PSMG2: variants seen among roughly 807,000 people sequenced by gnomAD.
PSMG2 encodes the protein CD40 ligand-activated specific transcript 3.
In PSMG2, 21 loss-of-function variants were observed where a neutral mutation model predicts 31.5. That is an observed-to-expected ratio of 0.67 (90% CI 0.47 to 0.96). The LOEUF is 0.96. Among genes scored for constraint, PSMG2 ranks in the 40% least tolerant of loss-of-function variants. The probability of loss-of-function intolerance (pLI) is 0.00; values close to 1 mark genes in which losing one functional copy is unlikely to be tolerated. For missense variants in PSMG2, 318 were observed against 321.2 expected, an observed-to-expected ratio of 0.99 and a Z score of 0.08; for synonymous variants, 120 against 110.4, an observed-to-expected ratio of 1.09 and a Z score of -0.54.
At chr18:12,670,479 A>G (rs2038915908) in intron 1 of PSMG2, 1 of 152,324 alleles carries the variant, frequency 6.6e-6, no homozygotes, top group South Asian at 2.1e-4. Context: ...GCACATTTGA[A>G]ATACACGTTA....
At chr18:12,695,233 G>C (rs1218194954) in intron 1 of PSMG2, 3 of 1,105,306 alleles carry the variant, frequency 2.7e-6, no homozygotes, top group Non-Finnish European at 2.6e-6. Flanking sequence ...CACAAAAAAA[G>C]AGAAACTCAT....
At chr18:12,716,684 G>C (rs1441047686) in intron 3 of PSMG2, among the ~76,000 whole-genome samples, 1 of 151,936 alleles carries the variant, frequency 6.6e-6, no homozygotes, top group Non-Finnish European at 1.5e-5. Flanking sequence ...GTGAGCCACC[G>C]TGCCTGGCCA....
chr18:12,696,263 G>C (rs1357260832), intron 1 of PSMG2, among the ~76,000 whole-genome samples: 1 of 152,118 alleles, frequency 6.6e-6, no homozygotes, highest in Non-Finnish European at 1.5e-5. Context: ...CCAGCACTTT[G>C]GGAGGCCGAG....
At position 12,706,767 on chromosome 18, in the gene PSMG2, G is replaced by A. The variant is rs370225716; in HGVS notation, c.229+46G>A. On this transcript the variant is annotated intron_variant, in intron 2 of 6. Coordinates refer to ENST00000317615, the MANE Select transcript of PSMG2 (RefSeq NM_020232.5). ...TATTTTTCCACTACAAAGTAGAGTT[G>A]TTTTAAATTAGAAATAGACTTTATT... 87 of 1,524,870 alleles carry A rather than the reference G, an allele frequency of 5.7e-5. No homozygotes were observed. In the African/African-American group the frequency reaches 1.1e-3, roughly 20 times the overall value. The allele number at this position is 1,524,870 out of a possible 1,614,324, so 94.5% of individuals were successfully genotyped here. A position where few individuals can be genotyped will look rare whatever the true frequency, so the allele number is the denominator to read the frequency against.
At chr18:12,695,326 T>G (rs1362748928) in intron 1 of PSMG2, 2 of 1,554,088 alleles carry the variant, frequency 1.3e-6, no homozygotes, top group South Asian at 2.3e-5. Context: ...TATTTAAAAT[T>G]CCCACAGAAA....
intron 1 of PSMG2, among the ~76,000 whole-genome samples, chr18:12,682,240 A>T (rs968520658): frequency 6.7e-6 from 1 of 150,192 alleles, no homozygotes; most frequent in Non-Finnish European, 1.5e-5. Flanking sequence ...TCTCAGCTCA[A>T]TGCTGCCTTG....
intron 6 of PSMG2, 187 bp downstream of exon 6, chr18:12,724,806 G>GT (rs1320191364): frequency 1.8e-6 from 1 of 560,242 alleles, no homozygotes; most frequent in East Asian, 3.5e-5. Flanking sequence ...ATTATTTACA[G>GT]TTTTTTCATT....
rs765652085 is a variant in PSMG2, at chr18:12,683,186, C to CAAAAA, written c.-36-23350_-36-23346dup. ...GAAACCCCATCTCTACTAAAAATACCAAAAAAAAAAAAAAAAAAGCCAGGC... is the reference window on the plus strand; with the variant it reads ...GAAACCCCATCTCTACTAAAAATACCAAAAAAAAAAAAAAAAAAAAAAAGCCAGGC... On this transcript the variant is annotated intron_variant, in intron 1 of 6. Coordinates refer to the PSMG2 transcript ENST00000585331. 1.1e-4 allele frequency among the ~76,000 whole-genome samples: 7 copies of CAAAAA among 63,674 alleles called. 1 individual carries two copies. The highest frequency in any genetic ancestry group is 1.5e-4 in the Non-Finnish European group (5 of 32,438). 41.8% of individuals were successfully genotyped at this position (63,674 alleles called of 152,430 possible).
At chr18:12,673,352 A>G (rs370732827) in intron 1 of PSMG2, 49 of 1,596,026 alleles carry the variant, frequency 3.1e-5, no homozygotes, top group African/African-American at 3.0e-4. Context: ...TAAATCTTAT[A>G]TAAATATTGG....
At chr18:12,660,629 C>T (rs987011272) in intron 1 of PSMG2, among the ~76,000 whole-genome samples, 10 of 152,156 alleles carry the variant, frequency 6.6e-5, no homozygotes, top group African/African-American at 2.4e-4. Context: ...CCAAAAGATA[C>T]ATTCTTAAAA....
chr18:12,698,366 G>A (rs1163460982), upstream of PSMG2, among the ~76,000 whole-genome samples: 2 of 151,958 alleles, frequency 1.3e-5, no homozygotes, highest in East Asian at 1.9e-4. Flanking sequence ...ACAGGGTTTC[G>A]ACATGTTGGC....
At chr18:12,678,183 A>T (rs2039212776) in intron 1 of PSMG2, 1 of 1,614,060 alleles carries the variant, frequency 6.2e-7, no homozygotes, top group South Asian at 1.1e-5. Context: ...TCAATTGTGG[A>T]TGCACACAGA....
At chr18:12,690,152 C>T (rs758840382) in intron 1 of PSMG2, among the ~76,000 whole-genome samples, 1 of 152,116 alleles carries the variant, frequency 6.6e-6, no homozygotes, top group Non-Finnish European at 1.5e-5. Flanking sequence ...TGTTACCTTG[C>T]CAACCAGTCA....
chr18:12,679,874 A>G (rs907142090), intron 1 of PSMG2, among the ~76,000 whole-genome samples: 1 of 151,952 alleles, frequency 6.6e-6, no homozygotes, highest in Non-Finnish European at 1.5e-5. Context: ...ACCAGCCTAG[A>G]CAACACAGCA....
chr18:12,682,895 T>C (rs543450939), intron 1 of PSMG2, among the ~76,000 whole-genome samples: 6 of 152,238 alleles, frequency 3.9e-5, no homozygotes, highest in African/African-American at 1.4e-4. Context: ...GTGCTGCGAT[T>C]ACAGGCATGA....
intron 1 of PSMG2, among the ~76,000 whole-genome samples, chr18:12,683,345 C>T (rs72881199): frequency 0.025 from 3,595 of 146,196 alleles, 48 homozygotes; most frequent in Non-Finnish European, 0.039. Context: ...GAGCGAGACC[C>T]CGTCCTAAAC....
chr18:12,697,156 TATAAA>T, intron 1 of PSMG2: 1 of 1,152,700 alleles, frequency 8.7e-7, no homozygotes, highest in Non-Finnish European at 1.2e-6. Flanking sequence ...ATTTTAAAGA[TATAAA>T]ATATATTTAC....
At chr18:12,701,050 C>A, upstream of PSMG2, 1 of 1,613,660 alleles carries the variant, frequency 6.2e-7, no homozygotes, top group Non-Finnish European at 8.5e-7. Flanking sequence ...TGCTGTTGAT[C>A]AGGTGCCAAT....
chr18:12,659,476 G>C (rs543170938), intron 1 of PSMG2, among the ~76,000 whole-genome samples: 2 of 152,218 alleles, frequency 1.3e-5, no homozygotes, highest in South Asian at 4.2e-4. Context: ...AGACCAGCCT[G>C]GCCAACATGG....
Sources: gnomAD v4.1 joint callset for allele counts (sites outside exome capture counted in the v4.1 genomes callset) on GRCh38, gnomAD v4.1.1 for gene constraint, MANE v1.5 for transcripts, NCBI Gene and HGNC (gene_info 2026-07-23, HGNC 2026-07-21) for gene names.